INA: variants seen among roughly 807,000 people sequenced by gnomAD.
The protein encoded by INA is internexin neuronal intermediate filament protein alpha.
INA carries 35 observed loss-of-function variants against 40.1 expected under a neutral mutation model. The ratio of observed to expected loss-of-function variants is 0.87; its 90% CI spans 0.67 to 1.16. INA has a LOEUF of 1.16. Among genes scored for constraint, INA ranks in the 50% most tolerant of loss-of-function variants. The pLI is 0.00. For synonymous variants in INA, 290 were observed against 316.9 expected (o/e 0.92, Z 0.90); for missense variants, 594 against 686.7 (o/e 0.87, Z 1.51).
At position 103,288,360 on chromosome 10, in the gene INA, G is replaced by T; in HGVS notation, c.1191G>T (p.Arg397Ser). 1 of 1,588,976 alleles carries T rather than the reference G, an allele frequency of 6.3e-7. No homozygotes were observed. The highest frequency in any genetic ancestry group is 8.5e-7 in the Non-Finnish European group (1 of 1,171,468). Residue 397 changes from arginine to serine, a missense_variant and splice_region_variant, in exon 3 of 3, where the codon AGG becomes AGT. Physicochemically the swap from Arg to Ser is moderately radical, Grantham distance 110 (BLOSUM62 -1). Coordinates refer to ENST00000369849, the MANE Select transcript of INA (RefSeq NM_032727.4). ...MALDIEIAAYRKLLEGEETRF... is the reference protein window; with the variant it reads ...MALDIEIAAYSKLLEGEETRF... ...GAGTTTTTCTCTGTTGAATTTACAGGAAACTGCTGGAAGGCGAGGAGACAC... is the reference window on the plus strand; with the variant it reads ...GAGTTTTTCTCTGTTGAATTTACAGTAAACTGCTGGAAGGCGAGGAGACAC...
chr10:103,285,618 C>CT lies in INA; in HGVS notation c.1066-1400dup, dbSNP rs1198555714. ...GCAGGAGAGGACATTTGAACTGAAT[C>CT]TTTTTTTTTTTTTTTTTGAGATGGA... On this transcript the variant is annotated intron_variant, in intron 1 of 2. Coordinates refer to ENST00000369849, the MANE Select transcript of INA (RefSeq NM_032727.4). 5.3e-3 allele frequency among the ~76,000 whole-genome samples: 672 copies of CT among 125,728 alleles called. 3 individuals carry two copies. Among genetic ancestry groups the CT allele is most frequent in the Middle Eastern group, 0.01 (2 of 196 alleles). 82.5% of individuals were successfully genotyped at this position (125,728 alleles called of 152,430 possible).
intron 1 of INA, among the ~76,000 whole-genome samples, chr10:103,283,799 G>A (rs1351230083): frequency 5.9e-5 from 8 of 135,456 alleles, no homozygotes; most frequent in African/African-American, 1.7e-4. Context: ...TGCCCAGGCT[G>A]GAGTGCAATG....
In INA at chr10:103,277,373, C is replaced by A; in HGVS notation, c.162C>A (p.Cys54Ter). 1 of 1,562,516 alleles carries A rather than the reference C, an allele frequency of 6.4e-7. No individual in the cohort carries two copies. Among genetic ancestry groups the A allele is most frequent in the Non-Finnish European group, 8.6e-7 (1 of 1,161,444 alleles). The change falls in exon 1 of 3, where the codon TGC becomes TGA. Residue 54 changes from cysteine to a stop codon, truncating the protein, a stop_gained. Coordinates refer to ENST00000369849, the MANE Select transcript of INA (RefSeq NM_032727.4). LOFTEE classifies it high-confidence loss of function. The surrounding 1 kb of genome is among the most constrained non-coding windows in gnomAD (Gnocchi z 5.6). ...GCAATGTGGCCTCCTCGGCCGCCTG[C>A]TCCTCGGCCTCGTCGCTCGGCCTCG... ...SRSNVASSAA[C>*]SSASSLGLGL...
intron 2 of INA, 23 bp downstream of exon 2, chr10:103,287,182 C>A (rs2093088270): frequency 6.2e-7 from 1 of 1,606,784 alleles, no homozygotes; most frequent in East Asian, 2.2e-5. Flanking sequence ...ACCTGCTTAC[C>A]CGAGTAAATC....
At position 103,278,082 on chromosome 10, in the gene INA, T is replaced by A; in HGVS notation, c.871T>A (p.Phe291Ile). 1.2e-6 allele frequency: 2 copies of A among 1,613,490 alleles called. No homozygotes were observed. The highest frequency in any genetic ancestry group is 1.7e-6 in the Non-Finnish European group (2 of 1,179,898). ...QSAEEWYKSK[F>I]ANLNEQAARS... The stretch of plus-strand genomic sequence containing the variant: ...CGCGGAAGAATGGTACAAGTCCAAG[T>A]TTGCCAACCTGAACGAGCAGGCGGC... Residue 291 changes from phenylalanine to isoleucine, a missense_variant, in exon 1 of 3, where the codon TTT becomes ATT. By Grantham distance (21) the Phe-to-Ile change is conservative. Coordinates refer to ENST00000369849, the MANE Select transcript of INA (RefSeq NM_032727.4). The surrounding 1 kb of genome is among the most constrained non-coding windows in gnomAD (Gnocchi z 4.9).
intron 1 of INA, among the ~76,000 whole-genome samples, chr10:103,285,431 G>C (rs1187119846): frequency 6.6e-6 from 1 of 151,514 alleles, no homozygotes; most frequent in African/African-American, 2.4e-5. Flanking sequence ...AAGTAGGTGG[G>C]ATTACAGGCG....
intron 1 of INA, among the ~76,000 whole-genome samples, chr10:103,282,239 C>G (rs1372348073): frequency 1.3e-5 from 2 of 152,178 alleles, no homozygotes; most frequent in African/African-American, 4.8e-5. Context: ...CTCAGCTCCC[C>G]AACCACCTCT....
chr10:103,281,521 C>T (rs556947881), intron 1 of INA, among the ~76,000 whole-genome samples: 319 of 152,098 alleles, frequency 2.1e-3, no homozygotes, highest in African/African-American at 6.8e-3. Flanking sequence ...TACGGAGATA[C>T]GTATAATACA....
At position 103,278,189 on chromosome 10, in the gene INA, C is replaced by T. The variant is rs750660349; in HGVS notation, c.978C>T (p.Ile326=). The T allele has an allele frequency of 6.8e-6, 11 of 1,608,262 alleles. No individual in the cohort carries two copies. Among genetic ancestry groups the T allele is most frequent in the Non-Finnish European group, 9.3e-6 (11 of 1,177,944 alleles). The part of the protein sequence containing the change: ...RRQLQARTIE[I]EGLRGANESL... ...AGCTGCAGGCGCGCACCATCGAGAT[C>T]GAGGGCCTGCGCGGGGCCAACGAGT... is the stretch of plus-strand genomic sequence containing the variant. The change falls in exon 1 of 3, where the codon ATC becomes ATT. Residue 326 remains isoleucine (I), a synonymous_variant. Coordinates refer to ENST00000369849, the MANE Select transcript of INA (RefSeq NM_032727.4). The surrounding 1 kb of genome is among the most constrained non-coding windows in gnomAD (Gnocchi z 4.9).
rs1305669867 is a variant in INA at position 103,279,926 on chromosome 10, CA to C, written c.1065+1651del. On this transcript the variant is annotated intron_variant, in intron 1 of 2. Transcript: ENST00000369849. ...AATCACATTTGGCTAATTGAGACTT[CA>C]TTTTTTTCTTCTAGAAGCCTCCAAG... is the stretch of plus-strand genomic sequence containing the variant. 3.9e-6 allele frequency: 5 copies of C among 1,289,218 alleles called. No individual in the cohort carries two copies. In the East Asian group the frequency reaches 2.8e-4, roughly 71 times the overall value. 79.9% of individuals were successfully genotyped at this position (1,289,218 alleles called of 1,614,324 possible).
intron 1 of INA, among the ~76,000 whole-genome samples, chr10:103,285,332 G>A (rs1239814427): frequency 6.7e-6 from 1 of 149,340 alleles, no homozygotes; most frequent in Non-Finnish European, 1.5e-5. Context: ...TTTTGCTCTT[G>A]TTGCCCAAGC....
chr10:103,287,059 G>T lies in INA; in HGVS notation c.1090G>T (p.Asp364Tyr). The T allele has an allele frequency of 1.2e-6, 2 of 1,613,992 alleles. No homozygotes were observed. Among genetic ancestry groups the T allele is most frequent in the Non-Finnish European group, 1.7e-6 (2 of 1,179,930 alleles). The part of the protein sequence containing the change: ...YQDSIGQLEN[D>Y]LRNTKSEMAR... ...GGATAGCATTGGGCAGCTGGAGAAT[G>T]ATCTGAGGAACACCAAGAGTGAGAT... The change falls in exon 2 of 3, where the codon GAT becomes TAT. Residue 364 changes from aspartate to tyrosine, a missense_variant. Coordinates refer to ENST00000369849, the MANE Select transcript of INA (RefSeq NM_032727.4).
chr10:103,278,020 C>A lies in INA; in HGVS notation c.809C>A (p.Ala270Asp). ...ACCTCGGCTCTGAGGGAGATCCGCG[C>A]CCAGTATGAGTCCCTGGCCGCTAAG... ...DLTSALREIR[A>D]QYESLAAKNL... Residue 270 changes from alanine to aspartate, a missense_variant, in exon 1 of 3, where the codon GCC (alanine) becomes GAC (aspartate). Transcript: ENST00000369849. The surrounding 1 kb of genome is among the most constrained non-coding windows in gnomAD (Gnocchi z 4.9). The A allele has an allele frequency of 6.2e-7, 1 of 1,609,860 alleles. No homozygotes were observed. Among genetic ancestry groups the A allele is most frequent in the Non-Finnish European group, 8.5e-7 (1 of 1,178,306 alleles).
At chr10:103,282,331 T>C (rs917335761) in intron 1 of INA, among the ~76,000 whole-genome samples, 2 of 152,192 alleles carry the variant, frequency 1.3e-5, no homozygotes, top group African/African-American at 2.4e-5. Context: ...ATATCATCTA[T>C]CTCTAAGCCA....
At chr10:103,288,307 T>C in intron 2 of INA, 53 bp from the exon 3 acceptor site, 1 of 1,483,330 alleles carries the variant, frequency 6.7e-7, no homozygotes, top group East Asian at 2.3e-5. Flanking sequence ...GGTTGAGTTC[T>C]GGGGGGGAAA....
In INA at chr10:103,289,766, G is replaced by A. The variant is rs1319384202; in HGVS notation, c.*1097G>A. 6.6e-6 allele frequency: 1 copy of A among 152,094 alleles called. No individual in the cohort carries two copies. Among genetic ancestry groups the A allele is most frequent in the African/African-American group, 2.4e-5 (1 of 41,412 alleles). 9.4% of individuals were successfully genotyped at this position (152,094 alleles called of 1,614,324 possible). ...GCTTTCACTCTCCTATGCCTTTTACGAGTGCTAAGTGTAGGATATTTTGTC... is the reference window on the plus strand; with the variant it reads ...GCTTTCACTCTCCTATGCCTTTTACAAGTGCTAAGTGTAGGATATTTTGTC... On this transcript the variant is annotated 3_prime_UTR_variant, in exon 3 of 3. Coordinates refer to ENST00000369849, the MANE Select transcript of INA (RefSeq NM_032727.4).
At chr10:103,285,730 G>A (rs774857127) in intron 1 of INA, among the ~76,000 whole-genome samples, 1 of 150,162 alleles carries the variant, frequency 6.7e-6, no homozygotes, top group Non-Finnish European at 1.5e-5. Flanking sequence ...CGATTCTCCT[G>A]CCTCAGCCTC....
At chr10:103,281,035 A>T (rs751176556) in intron 1 of INA, 3 of 538,632 alleles carry the variant, frequency 5.6e-6, no homozygotes, top group Non-Finnish European at 7.1e-6. Flanking sequence ...CAGGGAGACA[A>T]GCCAAGTCTT....
rs1388482198 is a variant in INA, at chr10:103,277,228, A to G, written c.17A>G (p.Glu6Gly). 5 of 1,585,580 alleles carry G rather than the reference A, an allele frequency of 3.2e-6. No individual in the cohort carries two copies. The highest frequency in any genetic ancestry group is 3.4e-6 in the Non-Finnish European group (4 of 1,169,574). Residue 6 changes from glutamate (E) to glycine (G), a missense_variant, in exon 1 of 3, where the codon GAG becomes GGG. Glu to Gly is a moderately conservative substitution (Grantham distance 98). This residue lies in a region of INA where 215 missense variants were observed against 190.6 expected (regional missense o/e 1.13). Coordinates refer to ENST00000369849, the MANE Select transcript of INA (RefSeq NM_032727.4). This position sits in a 1 kb window ranked among gnomAD's most constrained non-coding sequence, Gnocchi z 5.6. Reference sequence around the variant, plus strand: ...CCCGGCACCATGAGCTTCGGCTCGGAGCACTACCTGTGCTCCTCCTCCTCC... The same window carrying G: ...CCCGGCACCATGAGCTTCGGCTCGGGGCACTACCTGTGCTCCTCCTCCTCC... MSFGS[E>G]HYLCSSSSYR...
Sources: allele counts gnomAD v4.1 joint callset (sites outside exome capture counted in the v4.1 genomes callset), GRCh38; gene constraint gnomAD v4.1.1; regional missense constraint gnomAD v4.1.1; non-coding constraint Gnocchi (gnomAD v3.1); transcripts MANE v1.5; gene names NCBI Gene and HGNC (gene_info 2026-07-23, HGNC 2026-07-21).